Variants in PSMG2 observed in about 807,000 individuals in gnomAD.
PSMG2 encodes CD40 ligand-activated specific transcript 3.
Under a neutral mutation model 31.5 loss-of-function variants are expected in PSMG2, and 21 were observed. That is an observed-to-expected ratio of 0.67 (90% CI 0.47 to 0.96). PSMG2 has a LOEUF of 0.96. Ranked by LOEUF, PSMG2 falls within the 40% of genes least tolerant of loss-of-function variation. The pLI is 0.00. For missense variants in PSMG2, 318 were observed against 321.2 expected (o/e 0.99, Z 0.08); for synonymous variants, 120 against 110.4 (o/e 1.09, Z -0.54).
upstream of PSMG2, among the ~76,000 whole-genome samples, chr18:12,701,907 G>A (rs2040166655): frequency 6.6e-6 from 1 of 152,084 alleles, no homozygotes; most frequent in Admixed American, 6.5e-5. Context: ...GAGGCGGCCG[G>A]ATCACGAAGT....
upstream of PSMG2, chr18:12,699,149 GC>G: frequency 6.2e-7 from 1 of 1,614,054 alleles, no homozygotes; most frequent in Non-Finnish European, 8.5e-7. Context: ...TTCCAAGAAA[GC>G]TTTTCCACCC....
chr18:12,674,758 G>T (rs1199115704), intron 1 of PSMG2: 3 of 1,572,662 alleles, frequency 1.9e-6, no homozygotes, highest in East Asian at 2.3e-5. Context: ...AAGATCCTAT[G>T]AGCAATCAAG....
chr18:12,673,068 C>G lies in PSMG2; in HGVS notation c.-37+14295C>G, dbSNP rs774930991. The G allele has an allele frequency of 4.9e-6, 5 of 1,011,878 alleles. No homozygotes were observed. The African/African-American group carries it at 8.6e-5, about 17-fold the overall frequency. 62.7% of individuals were successfully genotyped at this position (1,011,878 alleles called of 1,614,324 possible). ...CTGTTTGTGTAAAGAAAACTGAATGCATTTTATATTAATATTTAAACTACT... is the reference window on the plus strand; with the variant it reads ...CTGTTTGTGTAAAGAAAACTGAATGGATTTTATATTAATATTTAAACTACT... On this transcript the variant is annotated intron_variant, in intron 1 of 6. Coordinates refer to the PSMG2 transcript ENST00000585331.
intron 1 of PSMG2, chr18:12,697,374 CATT>C (rs764641104): frequency 1.7e-5 from 28 of 1,611,734 alleles, no homozygotes; most frequent in South Asian, 2.2e-5. Flanking sequence ...TTATTGATAA[CATT>C]GTTGTTGAAT....
intron 1 of PSMG2, chr18:12,678,959 T>C (rs1286273040): frequency 2.0e-5 from 3 of 151,040 alleles, no homozygotes; most frequent in Admixed American, 6.6e-5. Flanking sequence ...AAAATAAAAA[T>C]AAAAAAAGTT....
chr18:12,716,133 C>T (rs1390321198), intron 3 of PSMG2, among the ~76,000 whole-genome samples: 1 of 152,174 alleles, frequency 6.6e-6, no homozygotes, highest in African/African-American at 2.4e-5. Flanking sequence ...CATAATTTTT[C>T]CATGGTACTT....
At chr18:12,707,402 T>G (rs1318892598) in intron 2 of PSMG2, among the ~76,000 whole-genome samples, 2 of 152,232 alleles carry the variant, frequency 1.3e-5, no homozygotes, top group African/African-American at 4.8e-5. Context: ...TAGATTGCGC[T>G]GGACTCAGTC....
upstream of PSMG2, chr18:12,699,120 G>C: frequency 2.5e-6 from 4 of 1,614,020 alleles, no homozygotes; most frequent in Non-Finnish European, 3.4e-6. Flanking sequence ...CCAGGTAAAG[G>C]CTCAGGTTCT....
chr18:12,720,732 AATT>A (rs2042155267), intron 5 of PSMG2, 49 bp downstream of exon 5: 1 of 1,561,168 alleles, frequency 6.4e-7, no homozygotes, highest in Non-Finnish European at 8.7e-7. Flanking sequence ...TTAAAAATGA[AATT>A]AATGCAGTGA....
At chr18:12,721,712 T>TTA (rs769094069) in intron 5 of PSMG2, among the ~76,000 whole-genome samples, 7 of 152,046 alleles carry the variant, frequency 4.6e-5, no homozygotes, top group Non-Finnish European at 8.8e-5. Context: ...CTATTCTCTA[T>TTA]TATTCTATTA....
chr18:12,707,903 A>G (rs910586174), intron 2 of PSMG2, among the ~76,000 whole-genome samples: 1 of 152,034 alleles, frequency 6.6e-6, no homozygotes, highest in African/African-American at 2.4e-5. Context: ...TTATTATTGA[A>G]CTTCCTACAG....
At chr18:12,697,476 T>C in intron 1 of PSMG2, 1 of 1,058,794 alleles carries the variant, frequency 9.4e-7, no homozygotes, top group South Asian at 1.8e-5. Flanking sequence ...AAAAGAATAC[T>C]TTTATTAAAC....
At chr18:12,665,906 A>G (rs762562335) in intron 1 of PSMG2, among the ~76,000 whole-genome samples, 8 of 152,192 alleles carry the variant, frequency 5.3e-5, no homozygotes, top group Non-Finnish European at 1.2e-4. Flanking sequence ...CATGTTGGCC[A>G]GGCTGGTCTT....
chr18:12,666,153 C>CA (rs35334528), intron 1 of PSMG2, among the ~76,000 whole-genome samples: 1,505 of 116,854 alleles, frequency 0.013, 33 homozygotes, highest in African/African-American at 0.047. Flanking sequence ...CTCATCTCTA[C>CA]AAAAAAAAAA....
At position 12,673,471 on chromosome 18, in the gene PSMG2, C is replaced by T. The variant is rs1363884891; in HGVS notation, c.-37+14698C>T. ...AACTGCCAGTCGCACTTGGTCTCCA[C>T]GGCAACAGATTATTTCTTCACAGAA... On this transcript the variant is annotated intron_variant, in intron 1 of 6. Coordinates refer to the PSMG2 transcript ENST00000585331. The T allele has an allele frequency of 1.3e-5, 20 of 1,584,088 alleles. No individual in the cohort carries two copies. The highest frequency in any genetic ancestry group is 2.3e-5 in the East Asian group (1 of 43,214).
intron 1 of PSMG2, chr18:12,680,872 TTCC>T: frequency 6.6e-7 from 1 of 1,524,304 alleles, no homozygotes; most frequent in African/African-American, 1.4e-5. Context: ...TCCATATTAT[TTCC>T]TCATTACATA....
chr18:12,674,802 T>A (rs1401165614), intron 1 of PSMG2: 3 of 1,142,896 alleles, frequency 2.6e-6, no homozygotes, highest in African/African-American at 1.6e-5. Context: ...TTAATATTTT[T>A]AAAACCAACT....
chr18:12,691,677 T>G (rs2039768427), intron 1 of PSMG2, among the ~76,000 whole-genome samples: 1 of 151,696 alleles, frequency 6.6e-6, no homozygotes, highest in South Asian at 2.1e-4. Flanking sequence ...CATACAATAA[T>G]CATAAGTCAC....
intron 3 of PSMG2, among the ~76,000 whole-genome samples, chr18:12,712,994 A>C (rs1333848699): frequency 6.6e-6 from 1 of 152,208 alleles, no homozygotes; most frequent in Admixed American, 6.5e-5. Flanking sequence ...TTCGGGTAGC[A>C]TTGGTGAAAA....
Sources: allele counts gnomAD v4.1 joint callset (sites outside exome capture counted in the v4.1 genomes callset), GRCh38; gene constraint gnomAD v4.1.1; transcripts MANE v1.5; gene names NCBI Gene and HGNC (gene_info 2026-07-23, HGNC 2026-07-21).